The following PRRC2A variants were observed in gnomAD, a reference collection of about 807,000 sequenced individuals.
The protein encoded by PRRC2A is proline rich coiled-coil 2A.
In PRRC2A, 59 loss-of-function variants were observed where a neutral mutation model predicts 224.6. That is an observed-to-expected ratio of 0.26 (90% CI 0.21 to 0.33). PRRC2A has a LOEUF of 0.33. Among genes scored for constraint, PRRC2A ranks in the 10% least tolerant of loss-of-function variants. The pLI is 1.00. For synonymous variants in PRRC2A, 1,194 were observed against 1,109.5 expected (o/e 1.08, Z -1.51); for missense variants, 3,095 against 2,880.7 (o/e 1.07, Z -1.70).
In PRRC2A at chr6:31,622,916, A is replaced by C. The variant is rs1382200767; in HGVS notation, c.112+15A>C. ...GAAACCCGCTGGTGAGAGTCCTGCAAAGATGCTTCTGATGGTTGAAAGCTA... is the reference window on the plus strand; with the variant it reads ...GAAACCCGCTGGTGAGAGTCCTGCACAGATGCTTCTGATGGTTGAAAGCTA... On this transcript the variant is annotated intron_variant, in intron 2 of 30. Coordinates refer to ENST00000376033, the MANE Select transcript of PRRC2A (RefSeq NM_004638.4). The C allele has an allele frequency of 1.6e-5, 26 of 1,600,736 alleles. No homozygotes were observed. The highest frequency in any genetic ancestry group is 2.1e-5 in the Non-Finnish European group (25 of 1,167,808).
intron 14 of PRRC2A, 93 bp downstream of exon 14, chr6:31,629,938 T>C: frequency 6.5e-7 from 1 of 1,548,076 alleles, no homozygotes; most frequent in Non-Finnish European, 8.7e-7. Flanking sequence ...GTACGATAGG[T>C]TTTGCCCATC....
At position 31,622,699 on chromosome 6, in the gene PRRC2A, A is replaced by G. The variant is rs1331121191; in HGVS notation, c.-91A>G. The G allele has an allele frequency of 3.4e-6, 3 of 886,378 alleles. No individual in the cohort carries two copies. Among genetic ancestry groups the G allele is most frequent in the African/African-American group, 3.4e-5 (2 of 59,554 alleles). The allele number at this position is 886,378 out of a possible 1,614,324, so 54.9% of individuals were successfully genotyped here. A position where few individuals can be genotyped will look rare whatever the true frequency, so the allele number is the denominator to read the frequency against. ...GTTATGGTCTGTACAGGGGACAGAG[A>G]CTGAGACACTTGCTGTCTGGCCCAC... On this transcript the variant is annotated 5_prime_UTR_variant, in exon 2 of 31. Coordinates refer to ENST00000376033, the MANE Select transcript of PRRC2A (RefSeq NM_004638.4).
chr6:31,629,033 A>G (rs1369269234), intron 12 of PRRC2A, 111 bp from the exon 13 acceptor site: 1 of 1,109,146 alleles, frequency 9.0e-7, no homozygotes, highest in Non-Finnish European at 1.3e-6. Flanking sequence ...TAGATGTTGA[A>G]TAGAATATTT....
In PRRC2A at chr6:31,635,536, G is replaced by C. The variant is rs377583623; in HGVS notation, c.5374-46G>C. The C allele has an allele frequency of 1.9e-3, 3,028 of 1,610,730 alleles. 6 individuals are homozygous for C. The highest frequency in any genetic ancestry group is 2.4e-3 in the Non-Finnish European group (2,851 of 1,177,932). ...GAAGATTGCTGGGAGTGACCAGGGC[G>C]TCCAGGATGCCAGACATCCCTCTCC... On this transcript the variant is annotated intron_variant, in intron 23 of 30. Coordinates refer to ENST00000376033, the MANE Select transcript of PRRC2A (RefSeq NM_004638.4).
In PRRC2A at chr6:31,628,219, G is replaced by A. The variant is rs1223368936; in HGVS notation, c.1745G>A (p.Gly582Asp). The A allele has an allele frequency of 1.2e-6, 2 of 1,611,370 alleles. No homozygotes were observed. The highest frequency in any genetic ancestry group is 1.7e-6 in the Non-Finnish European group (2 of 1,179,666). ...GGGSTSSTSS[G>D]SFEASPVEPQ... ...GGCAGTACCAGTAGCACCAGCAGTG[G>A]CAGCTTCGAAGCCAGCCCAGGTATG... Residue 582 changes from glycine to aspartate, a missense_variant, in exon 12 of 31, where the codon GGC (glycine) becomes GAC (aspartate). Around this residue, in one of 8 missense-constraint regions of PRRC2A, gnomAD observed 2,001 missense variants for 1,764.9 expected, o/e 1.13. Coordinates refer to ENST00000376033, the MANE Select transcript of PRRC2A (RefSeq NM_004638.4).
chr6:31,633,211 T>C (rs1451543617), intron 16 of PRRC2A, among the ~76,000 whole-genome samples, 168 bp from the exon 17 acceptor site: 1 of 152,218 alleles, frequency 6.6e-6, no homozygotes, highest in African/African-American at 2.4e-5. Context: ...GCTGGTTCTT[T>C]GCTTTCCAGT....
At chr6:31,621,388 C>G (rs899513885) in intron 1 of PRRC2A, among the ~76,000 whole-genome samples, 2 of 152,276 alleles carry the variant, frequency 1.3e-5, no homozygotes, top group East Asian at 3.9e-4. Flanking sequence ...CTCAGTCGCC[C>G]TATGTCTGCT....
intron 9 of PRRC2A, among the ~76,000 whole-genome samples, chr6:31,626,393 A>G (rs1250392954): frequency 6.7e-6 from 1 of 149,264 alleles, no homozygotes; most frequent in East Asian, 1.9e-4. Context: ...CACCTCTACA[A>G]AAAAAAAAAA....
rs760882765 is a variant in PRRC2A, at chr6:31,632,136, G to T, written c.3463G>T (p.Ala1155Ser). 6.4e-7 allele frequency: 1 copy of T among 1,561,432 alleles called. No individual in the cohort carries two copies. The highest frequency in any genetic ancestry group is 2.3e-5 in the East Asian group (1 of 44,390). Residue 1155 changes from alanine to serine, a missense_variant, in exon 16 of 31, where the codon GCC (alanine) becomes TCC (serine). Coordinates refer to ENST00000376033, the MANE Select transcript of PRRC2A (RefSeq NM_004638.4). ...TTCACCAGCCCCAGCCCGCTTCACT[G>T]CCCGGGGTGGGCGAGTCTTCACTCC... ...PPSPAPARFTARGGRVFTPRG... is the reference protein window; with the variant it reads ...PPSPAPARFTSRGGRVFTPRG...
At chr6:31,630,994 T>A in intron 15 of PRRC2A, 145 bp from the exon 16 acceptor site, 6 of 1,201,632 alleles carry the variant, frequency 5.0e-6, no homozygotes, top group Non-Finnish European at 6.9e-6. Flanking sequence ...AGTTCGAGAC[T>A]AGCCTCGGCA....
intron 9 of PRRC2A, 37 bp from the exon 10 acceptor site, chr6:31,626,735 G>T (rs1287191496): frequency 6.5e-7 from 1 of 1,532,320 alleles, no homozygotes; most frequent in Non-Finnish European, 8.8e-7. Context: ...TTGGAGGGCA[G>T]AATGCTTGGG....
At position 31,622,872 on chromosome 6, in the gene PRRC2A, G is replaced by A; in HGVS notation, c.83G>A (p.Gly28Asp). The change falls in exon 2 of 31, where the codon GGC becomes GAC. Residue 28 changes from glycine to aspartate, a missense_variant. By Grantham distance (94) the Gly-to-Asp change is moderately conservative. Coordinates refer to ENST00000376033, the MANE Select transcript of PRRC2A (RefSeq NM_004638.4). The part of the protein sequence containing the change: ...SSLNLFDTYK[G>D]KSLEIQKPAV... ...CTCAACCTGTTTGATACGTATAAGG[G>A]CAAGTCCTTAGAGATCCAGAAACCC... The A allele has an allele frequency of 6.2e-7, 1 of 1,614,066 alleles. No homozygotes were observed. Among genetic ancestry groups the A allele is most frequent in the Non-Finnish European group, 8.5e-7 (1 of 1,179,986 alleles).
chr6:31,629,591 A>G lies in PRRC2A; in HGVS notation c.2000A>G (p.His667Arg). The G allele has an allele frequency of 6.2e-7, 1 of 1,611,372 alleles. No homozygotes were observed. Among genetic ancestry groups the G allele is most frequent in the Non-Finnish European group, 8.5e-7 (1 of 1,178,550 alleles). The change falls in exon 14 of 31, where the codon CAT becomes CGT. Residue 667 changes from histidine to arginine, a missense_variant. By Grantham distance (29) the His-to-Arg change is conservative. Coordinates refer to ENST00000376033, the MANE Select transcript of PRRC2A (RefSeq NM_004638.4). ...KQQQQHQWQQHQQGSAPPTPV... is the reference protein window; with the variant it reads ...KQQQQHQWQQRQQGSAPPTPV... ...CAGCAGCAGCACCAGTGGCAGCAGCATCAACAGGGCTCTGCCCCTCCTACC... is the reference window on the plus strand; with the variant it reads ...CAGCAGCAGCACCAGTGGCAGCAGCGTCAACAGGGCTCTGCCCCTCCTACC...
chr6:31,626,214 TGAG>T (rs1386004396), intron 9 of PRRC2A, 52 bp downstream of exon 9: 4 of 1,560,454 alleles, frequency 2.6e-6, no homozygotes, highest in East Asian at 4.5e-5. Context: ...CAAAACCTAA[TGAG>T]GAAAAAAAAA....
chr6:31,627,018 C>T lies in PRRC2A; in HGVS notation c.1110C>T (p.Pro370=), dbSNP rs751029110. ...AATCAGCTTCTGGTGAGGAACGGCC[C>T]CCTGAAGCAGATGGCAAAAAGGGCA... ...DSQSASGEER[P]PEADGKKGNS... Residue 370 remains proline (P), a synonymous_variant, in exon 11 of 31, where the codon CCC becomes CCT. Coordinates refer to ENST00000376033, the MANE Select transcript of PRRC2A (RefSeq NM_004638.4). This position sits in a 1 kb window ranked among gnomAD's most constrained non-coding sequence, Gnocchi z 5.6. 1 of 1,614,160 alleles carries T rather than the reference C, an allele frequency of 6.2e-7. No homozygotes were observed. Among genetic ancestry groups the T allele is most frequent in the Admixed American group, 1.7e-5 (1 of 60,032 alleles).
chr6:31,628,766 G>C (rs1028100630), intron 12 of PRRC2A: 1 of 234,696 alleles, frequency 4.3e-6, no homozygotes, highest in Non-Finnish European at 8.3e-6. Context: ...GCTTTAACCC[G>C]GGAGGCAGAG....
At chr6:31,635,821 A>G (rs1313621110) in intron 24 of PRRC2A, 72 bp downstream of exon 24, 9 of 1,499,550 alleles carry the variant, frequency 6.0e-6, no homozygotes, top group Non-Finnish European at 7.2e-6. Flanking sequence ...TGTATTTATA[A>G]TCAAGCCTTT....
Position 31,636,352 on chromosome 6 carries a change from C to G in PRRC2A, c.5768C>G (p.Pro1923Arg), listed in dbSNP as rs776749219. 6.2e-7 allele frequency: 1 copy of G among 1,612,912 alleles called. No homozygotes were observed. Among genetic ancestry groups the G allele is most frequent in the Non-Finnish European group, 8.5e-7 (1 of 1,180,020 alleles). Reference protein sequence around the residue: ...GKLPAGGVLYPPPSFLYSPAF... With the variant: ...GKLPAGGVLYRPPSFLYSPAF... ...TTGCCGGCTGGAGGAGTTCTCTACC[C>G]TCCACCTTCCTTCCTCTACTCTCCG... The change falls in exon 26 of 31, where the codon CCT becomes CGT. Residue 1923 changes from proline (P) to arginine (R), a missense_variant. Coordinates refer to ENST00000376033, the MANE Select transcript of PRRC2A (RefSeq NM_004638.4). This position sits in a 1 kb window ranked among gnomAD's most constrained non-coding sequence, Gnocchi z 4.3.
chr6:31,622,694 C>T lies in PRRC2A; in HGVS notation c.-96C>T, dbSNP rs1311193304. ...TTTCTGTTATGGTCTGTACAGGGGA[C>T]AGAGACTGAGACACTTGCTGTCTGG... is the stretch of plus-strand genomic sequence containing the variant. On this transcript the variant is annotated 5_prime_UTR_variant, in exon 2 of 31. Transcript: ENST00000376033. 6 of 858,430 alleles carry T rather than the reference C, an allele frequency of 7.0e-6. No individual in the cohort carries two copies. The African/African-American group carries it at 8.5e-5, about 12-fold the overall frequency. 53.2% of individuals were successfully genotyped at this position (858,430 alleles called of 1,614,324 possible). A position where few individuals can be genotyped will look rare whatever the true frequency, so the allele number is the denominator to read the frequency against.
Sources: gnomAD v4.1 joint callset for allele counts (sites outside exome capture counted in the v4.1 genomes callset) on GRCh38, gnomAD v4.1.1 for gene constraint, gnomAD v4.1.1 regional missense constraint, Gnocchi (gnomAD v3.1) non-coding constraint, MANE v1.5 for transcripts, NCBI Gene and HGNC (gene_info 2026-07-23, HGNC 2026-07-21) for gene names.